The following SFI1 variants were observed in gnomAD, a reference collection of about 807,000 sequenced individuals.
The protein encoded by SFI1 is SFI1 centrin binding protein, also known as protein SFI1 homolog.
In SFI1, 195 loss-of-function variants were observed where a neutral mutation model predicts 207.5. The observed-to-expected ratio is 0.94, with a 90% CI of 0.84 to 1.06. The LOEUF is 1.06. SFI1 is among the 50% of genes least tolerant of loss of function. The pLI, the probability that SFI1 is intolerant of heterozygous loss-of-function variation, is 0.00. For synonymous variants in SFI1, 630 were observed against 598.9 expected, an observed-to-expected ratio of 1.05 and a Z score of -0.76; for missense variants, 1,634 against 1,588.0, an observed-to-expected ratio of 1.03 and a Z score of -0.49.
rs188447044 is a variant in SFI1 at position 31,600,847 on chromosome 22, G to T, written c.1545-1365G>T. Among the ~76,000 whole-genome samples the T allele has an allele frequency of 5.3e-5, 8 of 152,352 alleles. No individual in the cohort carries two copies. In the East Asian group the frequency reaches 1.3e-3, roughly 26 times the overall value. The stretch of plus-strand genomic sequence containing the variant: ...TGCCATATGTATTTTGTCTAGTTTT[G>T]TCATATATGGCCAGAGGGCAGATCC... On this transcript the variant is annotated intron_variant, in intron 15 of 32. Coordinates refer to ENST00000400288, the MANE Select transcript of SFI1 (RefSeq NM_001007467.3).
chr22:31,575,945 A>G lies in SFI1; in HGVS notation c.1084+553A>G, dbSNP rs372387453. On this transcript the variant is annotated intron_variant, in intron 10 of 32. Transcript: ENST00000400288. ...ACAGACGAGGAAAGAGATTCAGAGG[A>G]GCTGAGTGTATTCTAAAGTCACAGG... is the stretch of plus-strand genomic sequence containing the variant. Among the ~76,000 whole-genome samples the G allele has an allele frequency of 7.9e-5, 12 of 152,234 alleles. No individual in the cohort carries two copies. In the East Asian group the frequency reaches 1.5e-3, roughly 20 times the overall value.
chr22:31,540,635 C>CA (rs2059397561), intron 4 of SFI1, among the ~76,000 whole-genome samples: 1 of 150,080 alleles, frequency 6.7e-6, no homozygotes, highest in Admixed American at 6.7e-5. Context: ...GGCTGGAGTG[C>CA]AATGGCATGA....
intron 14 of SFI1, among the ~76,000 whole-genome samples, chr22:31,585,522 C>G (rs369747353): frequency 6.6e-6 from 1 of 152,080 alleles, no homozygotes; most frequent in Non-Finnish European, 1.5e-5. Context: ...ACATGTCTCC[C>G]GGGGGTGGAG....
intron 31 of SFI1, 70 bp downstream of exon 31, chr22:31,617,148 G>A (rs1275739271): frequency 4.6e-5 from 71 of 1,545,582 alleles, no homozygotes; most frequent in Non-Finnish European, 6.3e-5. Flanking sequence ...TGGGCAGGCA[G>A]TTCCATTTCC....
chr22:31,561,235 CT>C, intron 7 of SFI1, 54 bp from the exon 8 acceptor site: 2 of 1,536,852 alleles, frequency 1.3e-6, no homozygotes, highest in South Asian at 1.2e-5. Flanking sequence ...CTGCTCCTCT[CT>C]TTCCTGAGTG....
At chr22:31,576,873 G>A (rs2063579155) in intron 10 of SFI1, among the ~76,000 whole-genome samples, 3 of 151,980 alleles carry the variant, frequency 2.0e-5, no homozygotes, top group East Asian at 1.9e-4. Flanking sequence ...AACTCCTGAC[G>A]ACCTCAGGTG....
rs768591594 is a variant in SFI1 at position 31,613,233 on chromosome 22, A to G, written c.2565+17A>G. 9.3e-6 allele frequency: 15 copies of G among 1,613,286 alleles called. No individual in the cohort carries two copies. In the African/African-American group the frequency reaches 1.6e-4, roughly 17 times the overall value. On this transcript the variant is annotated intron_variant, in intron 25 of 32. Coordinates refer to ENST00000400288, the MANE Select transcript of SFI1 (RefSeq NM_001007467.3). ...CAGGCAAAGGTAATTGGGGCTCTGC[A>G]TCCTACCATCCCTGCCTCTCCCTCA...
intron 4 of SFI1, among the ~76,000 whole-genome samples, chr22:31,532,640 A>C (rs927263770): frequency 3.9e-5 from 6 of 151,974 alleles, no homozygotes; most frequent in African/African-American, 1.5e-4. Context: ...TGTTTTCTGA[A>C]ATCTTTTCTT....
chr22:31,516,726 G>T (rs2056565302), intron 2 of SFI1, among the ~76,000 whole-genome samples: 1 of 151,756 alleles, frequency 6.6e-6, no homozygotes, highest in African/African-American at 2.4e-5. Flanking sequence ...AGGCTGAGGT[G>T]GGCGGATCAC....
In SFI1 at chr22:31,602,222, G is replaced by C. The variant is rs745894337; in HGVS notation, c.1555G>C (p.Glu519Gln). 8.1e-6 allele frequency: 13 copies of C among 1,613,874 alleles called. No homozygotes were observed. Among genetic ancestry groups the C allele is most frequent in the Non-Finnish European group, 1.0e-5 (12 of 1,179,860 alleles). The change falls in exon 16 of 33, where the codon GAG (glutamate) becomes CAG (glutamine). Residue 519 changes from glutamate (E) to glutamine (Q), a missense_variant. Physicochemically the swap from Glu to Gln is conservative, Grantham distance 29 (BLOSUM62 2). Coordinates refer to ENST00000400288, the MANE Select transcript of SFI1 (RefSeq NM_001007467.3). ...TTCCTTGTTTTTTAGGGAGACATTAGAGAAGCAAGTATTTTCTCTCTGGAG... is the reference window on the plus strand; with the variant it reads ...TTCCTTGTTTTTTAGGGAGACATTACAGAAGCAAGTATTTTCTCTCTGGAG... ...RATRFHRETLEKQVFSLWRQK... is the reference protein window; with the variant it reads ...RATRFHRETLQKQVFSLWRQK...
At chr22:31,566,390 G>A (rs1028347012) in intron 8 of SFI1, among the ~76,000 whole-genome samples, 3 of 152,142 alleles carry the variant, frequency 2.0e-5, no homozygotes, top group African/African-American at 7.2e-5. Flanking sequence ...ACCATGCCCG[G>A]CCCCCAGTTT....
chr22:31,504,995 A>C (rs1016591932), intron 1 of SFI1, among the ~76,000 whole-genome samples: 1 of 152,178 alleles, frequency 6.6e-6, no homozygotes, highest in South Asian at 2.1e-4. Context: ...GATTTCAGCA[A>C]ATCTTTTTTG....
intron 5 of SFI1, among the ~76,000 whole-genome samples, chr22:31,548,191 G>A (rs2147939201): frequency 6.6e-6 from 1 of 151,842 alleles, no homozygotes; most frequent in East Asian, 2.0e-4. Flanking sequence ...CTGCACTCCA[G>A]CCTGGGCAAC....
In SFI1 at chr22:31,613,875, C is replaced by T. The variant is rs768682117; in HGVS notation, c.2996+20C>T. On this transcript the variant is annotated intron_variant, in intron 27 of 32. Transcript: ENST00000400288. ...GGAGCTGTGAGTAGCCTGTGCTCACCTTGTCCTCGCTTCCACCCTGGGCAA... is the reference window on the plus strand; with the variant it reads ...GGAGCTGTGAGTAGCCTGTGCTCACTTTGTCCTCGCTTCCACCCTGGGCAA... The T allele has an allele frequency of 1.8e-5, 28 of 1,569,462 alleles. No individual in the cohort carries two copies. The highest frequency in any genetic ancestry group is 1.3e-4 in the Admixed American group (7 of 54,548).
intron 17 of SFI1, among the ~76,000 whole-genome samples, chr22:31,603,371 TAAGAG>T (rs2068442492): frequency 6.6e-6 from 1 of 152,044 alleles, no homozygotes; most frequent in Non-Finnish European, 1.5e-5. Context: ...ACCACGTAGT[TAAGAG>T]AGAGGAGGGG....
chr22:31,496,535 T>C (rs1444454334), upstream of SFI1: 2 of 152,192 alleles, frequency 1.3e-5, no homozygotes, highest in East Asian at 3.9e-4. Context: ...CGCGAAGCGC[T>C]GAGGCGGGCG....
chr22:31,540,258 A>G (rs2059354601), intron 4 of SFI1, among the ~76,000 whole-genome samples: 1 of 149,744 alleles, frequency 6.7e-6, no homozygotes, highest in Admixed American at 6.7e-5. Context: ...TTTATATTTT[A>G]TTTTATTTTA....
chr22:31,548,093 G>A (rs941190669), intron 5 of SFI1, among the ~76,000 whole-genome samples: 2 of 151,840 alleles, frequency 1.3e-5, no homozygotes, highest in Admixed American at 6.6e-5. Flanking sequence ...GGTGGCAGGC[G>A]CCTGTAGTTC....
intron 6 of SFI1, among the ~76,000 whole-genome samples, chr22:31,556,044 A>G (rs529793316): frequency 6.6e-6 from 1 of 152,112 alleles, no homozygotes; most frequent in Non-Finnish European, 1.5e-5. Flanking sequence ...TGAAAATACA[A>G]TTTACCACAA....
Sources: allele counts gnomAD v4.1 joint callset (sites outside exome capture counted in the v4.1 genomes callset), GRCh38; gene constraint gnomAD v4.1.1; transcripts MANE v1.5; gene names NCBI Gene and HGNC (gene_info 2026-07-23, HGNC 2026-07-21).